KCNH1: variants seen among roughly 807,000 people sequenced by gnomAD.
KCNH1 encodes potassium voltage-gated channel subfamily H member 1, also known as voltage-gated delayed rectifier potassium channel KCNH1.
A neutral mutation model predicts 69.2 loss-of-function variants in KCNH1; 27 were observed. That is an observed-to-expected ratio of 0.39 (90% CI 0.29 to 0.54). KCNH1 has a LOEUF of 0.54. KCNH1 is among the 20% of genes least tolerant of loss of function. The pLI is 0.68. For missense variants in KCNH1, 798 were observed against 1,261.6 expected (o/e 0.63, Z 5.57); for synonymous variants, 456 against 487.7 (o/e 0.93, Z 0.86).
intron 7 of KCNH1, among the ~76,000 whole-genome samples, chr1:210,887,722 C>CAAAA (rs35066964): frequency 4.2e-4 from 23 of 55,066 alleles, no homozygotes; most frequent in East Asian, 1.4e-3. Flanking sequence ...AATGGAAAGC[C>CAAAA]AAAAAAAAAA....
At position 210,981,117 on chromosome 1, in the gene KCNH1, A is replaced by G. The variant is rs549588403; in HGVS notation, c.1032+37666T>C. On this transcript the variant is annotated intron_variant, in intron 6 of 10. Coordinates refer to ENST00000271751, the MANE Select transcript of KCNH1 (RefSeq NM_172362.3). ...TTCATGAAAGGGGATAACATGCACT[A>G]AAGTCACTCAGAGAAAGCCACTCAC... Among the ~76,000 whole-genome samples the G allele has an allele frequency of 1.2e-4, 19 of 152,234 alleles. No homozygotes were observed. The East Asian group carries it at 3.7e-3, about 29-fold the overall frequency.
intron 5 of KCNH1, among the ~76,000 whole-genome samples, chr1:211,035,481 C>T (rs1437051857): frequency 6.6e-6 from 1 of 151,658 alleles, no homozygotes. Flanking sequence ...ATCTCCTGAC[C>T]TCGTGATCCG....
chr1:210,915,442 C>A (rs1223343909), intron 7 of KCNH1, among the ~76,000 whole-genome samples: 1 of 152,148 alleles, frequency 6.6e-6, no homozygotes, highest in East Asian at 1.9e-4. Flanking sequence ...TTTCTCTTGG[C>A]ATTACCAATG....
At position 210,682,840 on chromosome 1, in the gene KCNH1, C is replaced by A; in HGVS notation, c.*441G>T. On this transcript the variant is annotated 3_prime_UTR_variant, in exon 11 of 11. Coordinates refer to ENST00000271751, the MANE Select transcript of KCNH1 (RefSeq NM_172362.3). ...ACGGGCTGTACAAGGACGGGGATGCCGGGAAGTCCTTGGCCCACTGCAGTC... is the reference window on the plus strand; with the variant it reads ...ACGGGCTGTACAAGGACGGGGATGCAGGGAAGTCCTTGGCCCACTGCAGTC... 6.0e-6 allele frequency: 1 copy of A among 165,980 alleles called. No homozygotes were observed. Among genetic ancestry groups the A allele is most frequent in the Non-Finnish European group, 1.3e-5 (1 of 76,070 alleles). The allele number at this position is 165,980 out of a possible 1,614,324, so 10.3% of individuals were successfully genotyped here. A position where few individuals can be genotyped will look rare whatever the true frequency, so the allele number is the denominator to read the frequency against.
chr1:210,817,650 T>TA (rs1161773710), intron 7 of KCNH1, among the ~76,000 whole-genome samples: 1 of 152,182 alleles, frequency 6.6e-6, no homozygotes, highest in Non-Finnish European at 1.5e-5. Context: ...TCCTAATGCT[T>TA]ACGTATACTG....
At chr1:211,022,135 C>A (rs900331391) in intron 5 of KCNH1, among the ~76,000 whole-genome samples, 3 of 152,028 alleles carry the variant, frequency 2.0e-5, no homozygotes, top group Non-Finnish European at 4.4e-5. Context: ...GACACATAGA[C>A]CAATGGAACA....
intron 5 of KCNH1, among the ~76,000 whole-genome samples, chr1:211,049,363 C>T (rs6662529): frequency 0.3 from 46,383 of 152,092 alleles, 7,391 homozygotes; most frequent in African/African-American, 0.34. Flanking sequence ...ATAACACTCA[C>T]ATATGTCTGG....
intron 10 of KCNH1, among the ~76,000 whole-genome samples, chr1:210,745,167 G>A (rs1236970019): frequency 1.9e-5 from 1 of 52,468 alleles, no homozygotes. Flanking sequence ...TCATGCCACT[G>A]CACTCCAGCC....
At chr1:210,900,478 CA>C (rs1207500003) in intron 7 of KCNH1, among the ~76,000 whole-genome samples, 4 of 152,134 alleles carry the variant, frequency 2.6e-5, no homozygotes, top group African/African-American at 9.7e-5. Flanking sequence ...TTTTGTGAGG[CA>C]TGGTGGGCTA....
At chr1:210,806,065 C>A (rs780285690) in intron 7 of KCNH1, among the ~76,000 whole-genome samples, 1 of 152,122 alleles carries the variant, frequency 6.6e-6, no homozygotes, top group Non-Finnish European at 1.5e-5. Flanking sequence ...ATTTTCAATT[C>A]TTTTGTGTAT....
chr1:210,859,167 A>G, intron 7 of KCNH1: 1 of 1,508,040 alleles, frequency 6.6e-7, no homozygotes, highest in Non-Finnish European at 9.2e-7. Flanking sequence ...GGAAAGAAAG[A>G]GATAACTCAA....
At chr1:210,938,351 G>T (rs763671550) in intron 6 of KCNH1, among the ~76,000 whole-genome samples, 2 of 151,944 alleles carry the variant, frequency 1.3e-5, no homozygotes, top group Non-Finnish European at 2.9e-5. Context: ...TAGAAATATC[G>T]ATTGTCCCCA....
chr1:211,089,608 C>A (rs554069543), intron 4 of KCNH1, among the ~76,000 whole-genome samples: 16 of 152,280 alleles, frequency 1.1e-4, no homozygotes, highest in Admixed American at 1.0e-3. Context: ...CATTTAACAA[C>A]AAAAATTTTG....
intron 9 of KCNH1, among the ~76,000 whole-genome samples, chr1:210,794,504 CA>C (rs1684268827): frequency 6.6e-6 from 1 of 152,324 alleles, no homozygotes; most frequent in African/African-American, 2.4e-5. Context: ...ACGCAGTCAA[CA>C]AGGTCAAGTA....
At position 211,103,630 on chromosome 1, in the gene KCNH1, G is replaced by C. The variant is rs376502657; in HGVS notation, c.204-28C>G. On this transcript the variant is annotated intron_variant, in intron 2 of 10. Transcript: ENST00000271751. ...GCAAACAACCAAAGAACTCAAGTTA[G>C]ATTAAGAAGTATTCATTATTCTACA... The C allele has an allele frequency of 2.3e-5, 32 of 1,401,970 alleles. No individual in the cohort carries two copies. The African/African-American group carries it at 4.5e-4, about 20-fold the overall frequency. The allele number at this position is 1,401,970 out of a possible 1,614,324, so 86.8% of individuals were successfully genotyped here.
chr1:210,917,174 A>G (rs1687351496), intron 7 of KCNH1, among the ~76,000 whole-genome samples: 1 of 147,002 alleles, frequency 6.8e-6, no homozygotes. Flanking sequence ...AGAAGAGAGA[A>G]GAGAGAAATA....
intron 10 of KCNH1, among the ~76,000 whole-genome samples, chr1:210,687,991 T>C: frequency 6.6e-6 from 1 of 152,128 alleles, no homozygotes; most frequent in East Asian, 1.9e-4. Flanking sequence ...GTCCAAAGTA[T>C]TCCATGATGC....
chr1:210,755,761 C>T (rs555009331), intron 10 of KCNH1, among the ~76,000 whole-genome samples: 2 of 152,172 alleles, frequency 1.3e-5, no homozygotes, highest in Non-Finnish European at 2.9e-5. Flanking sequence ...TCCCTTAGCC[C>T]GATTCTTTCC....
rs187468221 is a variant in KCNH1 at position 211,114,358 on chromosome 1, G to A, written c.80-6981C>T. On this transcript the variant is annotated intron_variant, in intron 1 of 10. Coordinates refer to ENST00000271751, the MANE Select transcript of KCNH1 (RefSeq NM_172362.3). The stretch of plus-strand genomic sequence containing the variant: ...AAGACTATTTAAACTGGAAGAGCTC[G>A]AGATACCACTTTATAGTCCCCTCAA... Among the ~76,000 whole-genome samples the A allele has an allele frequency of 9.1e-4, 138 of 152,204 alleles. 1 individual carries two copies. The highest frequency in any genetic ancestry group is 2.7e-3 in the African/African-American group (110 of 41,504).
Sources: gnomAD v4.1 joint callset for allele counts (sites outside exome capture counted in the v4.1 genomes callset) on GRCh38, gnomAD v4.1.1 for gene constraint, MANE v1.5 for transcripts, NCBI Gene and HGNC (gene_info 2026-07-23, HGNC 2026-07-21) for gene names.